Variants in PBK observed in about 807,000 individuals in gnomAD.
The protein encoded by PBK is PDZ binding kinase, also known as lymphokine-activated killer T-cell-originated protein kinase.
PBK carries 22 observed loss-of-function variants against 33.5 expected under a neutral mutation model. That is an observed-to-expected ratio of 0.66 (90% CI 0.47 to 0.94). The LOEUF (loss-of-function observed/expected upper bound fraction) is 0.94. PBK is among the 40% of genes least tolerant of loss of function. The pLI, the probability that PBK is intolerant of heterozygous loss-of-function variation, is 0.00. For synonymous variants in PBK, 129 were observed against 123.8 expected (o/e 1.04, Z -0.28); for missense variants, 376 against 383.4 (o/e 0.98, Z 0.16).
At chr8:27,824,166 C>T (rs1433645755) in intron 3 of PBK, among the ~76,000 whole-genome samples, 2 of 152,054 alleles carry the variant, frequency 1.3e-5, no homozygotes, top group East Asian at 3.8e-4. Context: ...TCTTAAACCT[C>T]CAGTTTTAAA....
chr8:27,811,145 C>A lies in PBK; in HGVS notation c.596-11G>T. On this transcript the variant is annotated splice_polypyrimidine_tract_variant and intron_variant, in intron 6 of 7. Transcript: ENST00000301905. ...CCTCAGGGTCAGTCACTGAAACAAG[C>A]AAGATGGTTATGAAGGCAGGAGCTA... 1 of 1,613,362 alleles carries A rather than the reference C, an allele frequency of 6.2e-7. No individual in the cohort carries two copies. Among genetic ancestry groups the A allele is most frequent in the Non-Finnish European group, 8.5e-7 (1 of 1,179,594 alleles).
rs36086402 is a variant in PBK, at chr8:27,811,009, T to G, written c.721A>C (p.Met241Leu). The change falls in exon 7 of 8, where the codon ATG becomes CTG. Residue 241 changes from methionine to leucine, a missense_variant. Physicochemically the swap from Met to Leu is conservative, Grantham distance 15. Transcript: ENST00000301905. Reference sequence around the variant, plus strand: ...TTAATGTGTGGAATCGATAAAGTCATCATTTCCCACAAAGTAAGGCCAAAG... The same window carrying G: ...TTAATGTGTGGAATCGATAAAGTCAGCATTTCCCACAAAGTAAGGCCAAAG... ...FAFGLTLWEM[M>L]TLSIPHINLS... 9 of 1,612,566 alleles carry G rather than the reference T, an allele frequency of 5.6e-6. No individual in the cohort carries two copies. The highest frequency in any genetic ancestry group is 7.6e-6 in the Non-Finnish European group (9 of 1,178,728).
chr8:27,834,996 T>G (rs1260955577), intron 1 of PBK, among the ~76,000 whole-genome samples: 1 of 152,108 alleles, frequency 6.6e-6, no homozygotes, highest in Non-Finnish European at 1.5e-5. Context: ...AAGAATTTTT[T>G]TATTTTAAAA....
chr8:27,825,720 A>AGTCT (rs1806012646), intron 3 of PBK, among the ~76,000 whole-genome samples: 1 of 152,232 alleles, frequency 6.6e-6, no homozygotes, highest in Admixed American at 6.5e-5. Flanking sequence ...CTAGCACTCC[A>AGTCT]AGAGACTAAA....
Position 27,810,325 on chromosome 8 carries a change from C to T in PBK, c.949G>A (p.Ala317Thr). 1 of 1,612,090 alleles carries T rather than the reference C, an allele frequency of 6.2e-7. No homozygotes were observed. Among genetic ancestry groups the T allele is most frequent in the Non-Finnish European group, 8.5e-7 (1 of 1,178,308 alleles). The change falls in exon 8 of 8, where the codon GCT becomes ACT. Residue 317 changes from alanine to threonine, a missense_variant. Transcript: ENST00000301905. ...GATCACTAGACATCTGTTTCCAGAGCTTCAACAATGTGTGCAGCAGAAGGA... is the reference window on the plus strand; with the variant it reads ...GATCACTAGACATCTGTTTCCAGAGTTTCAACAATGTGTGCAGCAGAAGGA... Reference protein sequence around the residue: ...DRPSAAHIVEALETDV With the variant: ...DRPSAAHIVETLETDV
intron 2 of PBK, among the ~76,000 whole-genome samples, chr8:27,828,744 C>CAAAAAAA (rs34388320): frequency 3.5e-4 from 29 of 82,594 alleles, no homozygotes; most frequent in African/African-American, 1.2e-3. Flanking sequence ...GACACAGTCT[C>CAAAAAAA]AAAAAAAAAA....
chr8:27,831,570 G>A (rs78207877), intron 2 of PBK, among the ~76,000 whole-genome samples: 2,907 of 116,594 alleles, frequency 0.025, 104 homozygotes, highest in African/African-American at 0.094. Context: ...GTAGAACACC[G>A]TACCCAGTAA....
At chr8:27,811,969 C>T (rs1239544774) in intron 6 of PBK, 1 of 152,124 alleles carries the variant, frequency 6.6e-6, no homozygotes, top group Non-Finnish European at 1.5e-5. Flanking sequence ...TCACTAACTT[C>T]ACTATAGCTG....
At chr8:27,829,665 A>C (rs1744218940) in intron 2 of PBK, among the ~76,000 whole-genome samples, 1 of 151,388 alleles carries the variant, frequency 6.6e-6, no homozygotes. Flanking sequence ...CAGGAGTTCG[A>C]GACCAGCCTG....
At chr8:27,812,169 G>A (rs35386738) in intron 6 of PBK, 39,357 of 152,018 alleles carry the variant, frequency 0.26, 6,143 homozygotes, top group Middle Eastern at 0.36. Context: ...TATGATACCT[G>A]CAGGTTTTTC....
At chr8:27,821,697 G>C (rs1351784556) in intron 5 of PBK, among the ~76,000 whole-genome samples, 1 of 152,116 alleles carries the variant, frequency 6.6e-6, no homozygotes, top group Non-Finnish European at 1.5e-5. Context: ...GATTTCAAAA[G>C]ATACCACAAT....
rs114501644 is a variant in PBK, at chr8:27,828,189, G to A, written c.68C>T (p.Ser23Leu). The change falls in exon 3 of 8, where the codon TCA becomes TTA. Residue 23 changes from serine (S) to leucine (L), a missense_variant. Transcript: ENST00000301905. ...LSEKKKSVLC[S>L]TPTINIPASP... ...GGCCGGGATATTTATAGTTGGAGTT[G>A]AACATAATACTAAATGTCAGAGAAA... 1,204 of 1,496,174 alleles carry A rather than the reference G, an allele frequency of 8.0e-4. 12 individuals carry two copies. The highest frequency in any genetic ancestry group is 7.3e-3 in the Middle Eastern group (33 of 4,508). 92.7% of individuals were successfully genotyped at this position (1,496,174 alleles called of 1,614,324 possible).
At chr8:27,813,724 A>C (rs1314784538) in intron 6 of PBK, among the ~76,000 whole-genome samples, 1 of 152,160 alleles carries the variant, frequency 6.6e-6, no homozygotes, top group Non-Finnish European at 1.5e-5. Flanking sequence ...AGGATGAGTA[A>C]GTTCTGGTGA....
rs201499636 is a variant in PBK, at chr8:27,814,596, T to C, written c.596-3462A>G. Among the ~76,000 whole-genome samples the C allele has an allele frequency of 2.7e-4, 41 of 152,302 alleles. No individual in the cohort carries two copies. In the East Asian group the frequency reaches 7.3e-3, roughly 27 times the overall value. On this transcript the variant is annotated intron_variant, in intron 6 of 7. Coordinates refer to ENST00000301905, the MANE Select transcript of PBK (RefSeq NM_018492.4). ...TTTTTCTAGATTAAATCAATGAACA[T>C]AGGTCATTGATTTAGAACTTTCCTT...
chr8:27,832,327 C>T (rs956323188), intron 2 of PBK, among the ~76,000 whole-genome samples: 3 of 152,138 alleles, frequency 2.0e-5, no homozygotes, highest in African/African-American at 7.2e-5. Context: ...GAAAAACCTA[C>T]ATCTAACATA....
chr8:27,811,343 T>C (rs1585419624), intron 6 of PBK: 1 of 602,366 alleles, frequency 1.7e-6, no homozygotes, highest in Non-Finnish European at 2.9e-6. Context: ...TTGGCAGGTA[T>C]GTAGAGAAAC....
At chr8:27,824,964 A>G (rs190773923) in intron 3 of PBK, among the ~76,000 whole-genome samples, 19 of 152,356 alleles carry the variant, frequency 1.2e-4, no homozygotes. Flanking sequence ...TAGCTTAAAC[A>G]TACACATTGT....
At chr8:27,822,587 G>T (rs896258381) in intron 4 of PBK, 99 bp from the exon 5 acceptor site, 1 of 719,298 alleles carries the variant, frequency 1.4e-6, no homozygotes, top group Non-Finnish European at 2.2e-6. Context: ...CTGGACTAAC[G>T]CTGACAAATA....
chr8:27,820,799 G>T, intron 5 of PBK, 105 bp from the exon 6 acceptor site: 7 of 582,860 alleles, frequency 1.2e-5, no homozygotes, highest in Non-Finnish European at 2.0e-5. Flanking sequence ...TAAACTCTAG[G>T]TTTACATTTG....
Sources: gnomAD v4.1 joint callset for allele counts (sites outside exome capture counted in the v4.1 genomes callset) on GRCh38, gnomAD v4.1.1 for gene constraint, MANE v1.5 for transcripts, NCBI Gene and HGNC (gene_info 2026-07-23, HGNC 2026-07-21) for gene names.